DNAJC11: variants seen among roughly 807,000 people sequenced by gnomAD.
DNAJC11 encodes dnaJ homolog subfamily C member 11.
In DNAJC11, 15 loss-of-function variants were observed where a neutral mutation model predicts 78.6. That is an observed-to-expected ratio of 0.19 (90% CI 0.13 to 0.29). The LOEUF is 0.29. DNAJC11 is among the 10% of genes least tolerant of loss of function. The probability of loss-of-function intolerance (pLI) is 1.00; values close to 1 mark genes in which losing one functional copy is unlikely to be tolerated. For missense variants in DNAJC11, 547 were observed against 709.6 expected (o/e 0.77, Z 2.60); for synonymous variants, 292 against 272.1 (o/e 1.07, Z -0.72).
At chr1:6,691,670 C>T (rs773541944) in intron 1 of DNAJC11, among the ~76,000 whole-genome samples, 4 of 152,150 alleles carry the variant, frequency 2.6e-5, no homozygotes, top group Non-Finnish European at 5.9e-5. Context: ...TTTCTGGCTC[C>T]TGTCAACTAG....
At chr1:6,692,609 ATTTT>A (rs35568963) in intron 1 of DNAJC11, among the ~76,000 whole-genome samples, 3 of 127,378 alleles carry the variant, frequency 2.4e-5, no homozygotes, top group Admixed American at 8.9e-5. Context: ...TGCTTCAGGA[ATTTT>A]TTTTTTTTTT....
chr1:6,677,486 A>C (rs377355388), intron 3 of DNAJC11, among the ~76,000 whole-genome samples: 13 of 152,090 alleles, frequency 8.5e-5, no homozygotes, highest in African/African-American at 3.1e-4. Context: ...TTGTAGAGAC[A>C]GGGTCTTGCT....
intron 7 of DNAJC11, 115 bp from the exon 8 acceptor site, chr1:6,646,093 GC>G: frequency 9.5e-7 from 1 of 1,048,178 alleles, no homozygotes; most frequent in Non-Finnish European, 1.4e-6. Flanking sequence ...GCATCCCTGG[GC>G]CAGCTCCCAG....
intron 1 of DNAJC11, 38 bp from the exon 2 acceptor site, chr1:6,681,075 C>T: frequency 6.3e-7 from 1 of 1,578,118 alleles, no homozygotes; most frequent in East Asian, 2.3e-5. Flanking sequence ...ACAATCAATG[C>T]TACTTAAACA....
chr1:6,651,452 G>T (rs921141530), intron 7 of DNAJC11, 77 bp downstream of exon 7: 2 of 1,295,036 alleles, frequency 1.5e-6, no homozygotes, highest in Non-Finnish European at 2.2e-6. Flanking sequence ...CAACCACTGT[G>T]ATAAAAAGAA....
rs577537735 is a variant in DNAJC11 at position 6,697,908 on chromosome 1, C to A, written c.72+3821G>T. Among the ~76,000 whole-genome samples the A allele has an allele frequency of 1.6e-3, 247 of 152,090 alleles. 1 individual carries two copies. The highest frequency in any genetic ancestry group is 5.6e-3 in the African/African-American group (231 of 41,498). Reference sequence around the variant, plus strand: ...CAAGCTCCGCCTCCTGGGTTCACACCATTCTCCTGCCTCAGCCTCCTACAG... The same window carrying A: ...CAAGCTCCGCCTCCTGGGTTCACACAATTCTCCTGCCTCAGCCTCCTACAG... On this transcript the variant is annotated intron_variant, in intron 1 of 15. Transcript: ENST00000377577.
At chr1:6,688,072 ATAAAG>A (rs1461504359) in intron 1 of DNAJC11, among the ~76,000 whole-genome samples, 1 of 152,112 alleles carries the variant, frequency 6.6e-6, no homozygotes, top group African/African-American at 2.4e-5. Context: ...GCAAAAGGTG[ATAAAG>A]TAACCTTTTC....
At chr1:6,688,860 C>A (rs1310827812) in intron 1 of DNAJC11, among the ~76,000 whole-genome samples, 2 of 152,200 alleles carry the variant, frequency 1.3e-5, no homozygotes, top group African/African-American at 4.8e-5. Flanking sequence ...TTTGGACACC[C>A]ATCTGTCTGC....
At chr1:6,645,000 C>T in intron 9 of DNAJC11, 41 bp downstream of exon 9, 1 of 1,565,178 alleles carries the variant, frequency 6.4e-7, no homozygotes, top group Non-Finnish European at 8.8e-7. Flanking sequence ...GACCCGCATG[C>T]AGTACCAGTG....
rs770912617 is a variant in DNAJC11 at position 6,634,690 on chromosome 1, C to T, written c.*985G>A. On this transcript the variant is annotated 3_prime_UTR_variant, in exon 16 of 16. Coordinates refer to ENST00000377577, the MANE Select transcript of DNAJC11 (RefSeq NM_018198.4). ...CTGCATTCTGCATCCCAAGTGGGCACGTGGAGGAAGGGTCTGAAGGAAGGC... is the reference window on the plus strand; with the variant it reads ...CTGCATTCTGCATCCCAAGTGGGCATGTGGAGGAAGGGTCTGAAGGAAGGC... 1.2e-5 allele frequency: 17 copies of T among 1,365,888 alleles called. No homozygotes were observed. The highest frequency in any genetic ancestry group is 3.4e-5 in the South Asian group (3 of 87,858). The allele number at this position is 1,365,888 out of a possible 1,614,324, so 84.6% of individuals were successfully genotyped here.
At position 6,682,163 on chromosome 1, in the gene DNAJC11, C is replaced by CAAAAAAAAAAAA. The variant is rs60985504; in HGVS notation, c.73-1138_73-1127dup. Among the ~76,000 whole-genome samples the CAAAAAAAAAAAA allele has an allele frequency of 1.1e-4, 10 of 94,064 alleles. 2 individuals are homozygous for CAAAAAAAAAAAA. The highest frequency in any genetic ancestry group is 1.3e-4 in the African/African-American group (3 of 23,082). 61.7% of individuals were successfully genotyped at this position (94,064 alleles called of 152,430 possible). A position where few individuals can be genotyped will look rare whatever the true frequency, so the allele number is the denominator to read the frequency against. On this transcript the variant is annotated intron_variant, in intron 1 of 15. Coordinates refer to ENST00000377577, the MANE Select transcript of DNAJC11 (RefSeq NM_018198.4). ...TAAGTTAGTCCTGGGACCATAATTA[C>CAAAAAAAAAAAA]AAAAAAAAAAAAAAAAAAAAGATGA... is the stretch of plus-strand genomic sequence containing the variant.
At chr1:6,671,671 A>G (rs1404468294) in intron 3 of DNAJC11, among the ~76,000 whole-genome samples, 4 of 151,040 alleles carry the variant, frequency 2.6e-5, no homozygotes, top group Admixed American at 2.6e-4. Context: ...AGCTGGGACT[A>G]CAGGCATCCG....
intron 1 of DNAJC11, among the ~76,000 whole-genome samples, chr1:6,686,139 A>C (rs1642651365): frequency 6.6e-6 from 1 of 152,208 alleles, no homozygotes. Context: ...TTAATTTCTG[A>C]CTAAATATCG....
intron 1 of DNAJC11, among the ~76,000 whole-genome samples, chr1:6,699,156 T>G (rs1642885647): frequency 6.6e-6 from 1 of 151,292 alleles, no homozygotes; most frequent in South Asian, 2.1e-4. Flanking sequence ...AAAAATTAGC[T>G]GGGTATGGTG....
intron 4 of DNAJC11, among the ~76,000 whole-genome samples, chr1:6,655,897 T>C (rs1642118773): frequency 6.6e-6 from 1 of 150,864 alleles, no homozygotes. Context: ...AAGTCAGGAG[T>C]TTGAGACCAA....
At chr1:6,667,344 CCT>C (rs745473037) in intron 4 of DNAJC11, among the ~76,000 whole-genome samples, 1 of 152,170 alleles carries the variant, frequency 6.6e-6, no homozygotes, top group African/African-American at 2.4e-5. Flanking sequence ...GCCCTGCCTG[CCT>C]CTGTCCTCTG....
chr1:6,692,358 C>T (rs180759044), intron 1 of DNAJC11, among the ~76,000 whole-genome samples: 1 of 151,924 alleles, frequency 6.6e-6, no homozygotes, highest in Admixed American at 6.6e-5. Context: ...TTCCCGGGCA[C>T]CCTCTTGGGC....
chr1:6,646,251 C>T (rs1422337284), intron 7 of DNAJC11, among the ~76,000 whole-genome samples: 1 of 152,146 alleles, frequency 6.6e-6, no homozygotes, highest in Non-Finnish European at 1.5e-5. Flanking sequence ...ATTCCTATGC[C>T]AGCAGATGCA....
intron 7 of DNAJC11, among the ~76,000 whole-genome samples, chr1:6,649,149 C>A (rs779701351): frequency 4.0e-5 from 6 of 151,824 alleles, no homozygotes; most frequent in Non-Finnish European, 8.8e-5. Flanking sequence ...TGAGTCACAT[C>A]GGCTCCTTTT....
Sources: gnomAD v4.1 joint callset for allele counts (sites outside exome capture counted in the v4.1 genomes callset) on GRCh38, gnomAD v4.1.1 for gene constraint, MANE v1.5 for transcripts, NCBI Gene and HGNC (gene_info 2026-07-23, HGNC 2026-07-21) for gene names.